Variants in KCNH7 observed in about 807,000 individuals in gnomAD.
KCNH7 encodes voltage-gated inwardly rectifying potassium channel KCNH7.
In KCNH7, 49 loss-of-function variants were observed where a neutral mutation model predicts 120.8. That is an observed-to-expected ratio of 0.41 (90% confidence interval 0.32 to 0.51). KCNH7 has a LOEUF of 0.51. Ranked by LOEUF, KCNH7 falls within the 20% of genes least tolerant of loss-of-function variation. The pLI is 0.38. For missense variants in KCNH7, 1,097 were observed against 1,446.6 expected (o/e 0.76, Z 3.92); for synonymous variants, 547 against 516.1 (o/e 1.06, Z -0.81).
intron 2 of KCNH7, among the ~76,000 whole-genome samples, chr2:162,691,307 T>C (rs549461069): frequency 6.6e-6 from 1 of 152,324 alleles, no homozygotes; most frequent in East Asian, 1.9e-4. Context: ...TTCCTATTTA[T>C]ATTTTAGGCT....
At chr2:162,598,830 A>G (rs898467610) in intron 2 of KCNH7, among the ~76,000 whole-genome samples, 1 of 152,146 alleles carries the variant, frequency 6.6e-6, no homozygotes, top group Admixed American at 6.6e-5. Context: ...AATGTCACAC[A>G]TTCTTTGTGG....
chr2:162,469,190 G>A (rs975291287), intron 6 of KCNH7, among the ~76,000 whole-genome samples: 1 of 152,164 alleles, frequency 6.6e-6, no homozygotes, highest in African/African-American at 2.4e-5. Flanking sequence ...GTATGTAATA[G>A]CTAAATACTG....
At chr2:162,396,655 G>T (rs1015597992) in intron 11 of KCNH7, 85 bp downstream of exon 11, 6 of 924,196 alleles carry the variant, frequency 6.5e-6, no homozygotes, top group South Asian at 1.7e-5. Flanking sequence ...GCAATATTTT[G>T]CTTGATTTTT....
chr2:162,648,774 C>T (rs79881448), intron 2 of KCNH7, among the ~76,000 whole-genome samples: 552 of 152,108 alleles, frequency 3.6e-3, no homozygotes, highest in Non-Finnish European at 5.5e-3. Context: ...TACCACCCCC[C>T]CAAAAAAATT....
At chr2:162,595,259 C>T (rs749402799) in intron 2 of KCNH7, among the ~76,000 whole-genome samples, 58 of 152,028 alleles carry the variant, frequency 3.8e-4, no homozygotes, top group Non-Finnish European at 6.6e-4. Flanking sequence ...TCCAGAAATG[C>T]TTGTAAAACC....
Position 162,373,675 on chromosome 2 carries a change from CAGA to C in KCNH7, c.3132-16_3132-14del, listed in dbSNP as rs1325639664. 10 of 1,441,234 alleles carry C rather than the reference CAGA, an allele frequency of 6.9e-6. No individual in the cohort carries two copies. The African/African-American group carries it at 1.3e-4, about 19-fold the overall frequency. 89.3% of individuals were successfully genotyped at this position (1,441,234 alleles called of 1,614,324 possible). On this transcript the variant is annotated splice_polypyrimidine_tract_variant and intron_variant, in intron 14 of 15. Transcript: ENST00000332142. Reference sequence around the variant, plus strand: ...TTGGGATTCAAGCCTACAGAACAGACAGAAGTAGGAAAAGACAGTCTAAAATAG... The same window carrying C: ...TTGGGATTCAAGCCTACAGAACAGACAGTAGGAAAAGACAGTCTAAAATAG...
intron 2 of KCNH7, among the ~76,000 whole-genome samples, chr2:162,687,138 C>T (rs1685921173): frequency 6.6e-6 from 1 of 152,042 alleles, no homozygotes; most frequent in South Asian, 2.1e-4. Flanking sequence ...ATTGATTTTG[C>T]TTGGTCAGCC....
At chr2:162,563,164 G>A (rs955827900) in intron 2 of KCNH7, among the ~76,000 whole-genome samples, 17 of 152,174 alleles carry the variant, frequency 1.1e-4, no homozygotes, top group Non-Finnish European at 8.8e-5. Context: ...AAGGGCTTGA[G>A]TTTGAGCTCT....
At chr2:162,675,508 G>A (rs1023749907) in intron 2 of KCNH7, among the ~76,000 whole-genome samples, 2 of 151,484 alleles carry the variant, frequency 1.3e-5, no homozygotes, top group South Asian at 2.1e-4. Flanking sequence ...AAATTGTAGT[G>A]TATCCATACA....
intron 2 of KCNH7, among the ~76,000 whole-genome samples, chr2:162,560,217 C>T (rs571975299): frequency 3.9e-4 from 59 of 152,248 alleles, no homozygotes; most frequent in African/African-American, 1.3e-3. Context: ...ACAAGTTTTT[C>T]CTCTGTGTCT....
In KCNH7 at chr2:162,576,223, C is replaced by T. The variant is rs575601605; in HGVS notation, c.308-39143G>A. Among the ~76,000 whole-genome samples the T allele has an allele frequency of 2.0e-5, 3 of 152,142 alleles. No homozygotes were observed. The East Asian group carries it at 5.8e-4, about 29-fold the overall frequency. ...TTTTACTAACATTTGGTTTGTTAAA[C>T]TTTTTTTCTTTGACACTATTTGAGG... On this transcript the variant is annotated intron_variant, in intron 2 of 15. Transcript: ENST00000332142.
chr2:162,838,220 G>C (rs1264087824), intron 1 of KCNH7, among the ~76,000 whole-genome samples: 1 of 152,142 alleles, frequency 6.6e-6, no homozygotes, highest in African/African-American at 2.4e-5. Context: ...TGGTAGAGGA[G>C]GATCAAATTG....
intron 6 of KCNH7, among the ~76,000 whole-genome samples, chr2:162,493,094 C>A (rs1384587501): frequency 1.3e-5 from 2 of 151,840 alleles, no homozygotes; most frequent in African/African-American, 2.4e-5. Flanking sequence ...GCAAATAGGT[C>A]CCTCTCAAAA....
chr2:162,444,324 GAATA>G (rs1224971979), intron 7 of KCNH7, among the ~76,000 whole-genome samples: 2 of 152,018 alleles, frequency 1.3e-5, no homozygotes, highest in Non-Finnish European at 2.9e-5. Flanking sequence ...AAAAATTTTT[GAATA>G]AATAAAGTAT....
At chr2:162,420,171 G>T (rs544194948) in intron 9 of KCNH7, among the ~76,000 whole-genome samples, 1 of 152,060 alleles carries the variant, frequency 6.6e-6, no homozygotes, top group African/African-American at 2.4e-5. Flanking sequence ...AGATCAGGAG[G>T]CCAAGACCAT....
chr2:162,505,367 G>A (rs1690835541), intron 5 of KCNH7, among the ~76,000 whole-genome samples: 1 of 151,528 alleles, frequency 6.6e-6, no homozygotes, highest in Non-Finnish European at 1.5e-5. Flanking sequence ...AAAAAAAAAG[G>A]CGCTATTAAA....
intron 2 of KCNH7, among the ~76,000 whole-genome samples, chr2:162,580,472 C>T (rs1297853695): frequency 6.6e-6 from 1 of 152,046 alleles, no homozygotes; most frequent in Non-Finnish European, 1.5e-5. Flanking sequence ...AGAGGAGGGA[C>T]ACAGCACAAA....
chr2:162,645,141 G>T (rs1684310444), intron 2 of KCNH7, among the ~76,000 whole-genome samples: 1 of 151,844 alleles, frequency 6.6e-6, no homozygotes, highest in Non-Finnish European at 1.5e-5. Context: ...CTTGATTTGA[G>T]TTTATATTTA....
intron 2 of KCNH7, among the ~76,000 whole-genome samples, chr2:162,709,508 C>T (rs187754463): frequency 9.9e-5 from 15 of 152,160 alleles, no homozygotes; most frequent in Admixed American, 8.5e-4. Flanking sequence ...TTCTTAATTG[C>T]TCACATAAGA....
Sources: gnomAD v4.1 joint callset for allele counts (sites outside exome capture counted in the v4.1 genomes callset) on GRCh38, gnomAD v4.1.1 for gene constraint, MANE v1.5 for transcripts, NCBI Gene and HGNC (gene_info 2026-07-23, HGNC 2026-07-21) for gene names.